Variants in KMT2C observed in about 807,000 individuals in gnomAD.
KMT2C encodes histone-lysine N-methyltransferase 2C.
KMT2C carries 88 observed loss-of-function variants against 507.9 expected under a neutral mutation model. The observed-to-expected ratio is 0.17, with a 90% CI of 0.15 to 0.21. KMT2C has a LOEUF of 0.21. Ranked by LOEUF, KMT2C falls within the 10% of genes least tolerant of loss-of-function variation. The pLI, the probability that KMT2C is intolerant of heterozygous loss-of-function variation, is 1.00. For synonymous variants in KMT2C, 2,049 were observed against 2,080.8 expected (o/e 0.98, Z 0.42); for missense variants, 4,954 against 5,957.8 (o/e 0.83, Z 5.55).
At chr7:152,395,041 A>C (rs1277221987) in intron 1 of KMT2C, among the ~76,000 whole-genome samples, 1 of 152,216 alleles carries the variant, frequency 6.6e-6, no homozygotes, top group Non-Finnish European at 1.5e-5. Flanking sequence ...AAAGTGACAA[A>C]TATAATCAAT....
chr7:152,320,114 G>A (rs541965607), intron 3 of KMT2C, among the ~76,000 whole-genome samples: 11 of 152,140 alleles, frequency 7.2e-5, no homozygotes, highest in South Asian at 6.2e-4. Flanking sequence ...AAAACCCACC[G>A]AACCTGTGGG....
chr7:152,296,506 C>G (rs1165129567), intron 6 of KMT2C, among the ~76,000 whole-genome samples: 1 of 151,122 alleles, frequency 6.6e-6, no homozygotes, highest in Non-Finnish European at 1.5e-5. Context: ...AAGGATTTTT[C>G]CTTAATTAAC....
chr7:152,380,926 C>A (rs1335475695), intron 1 of KMT2C, among the ~76,000 whole-genome samples: 14 of 152,128 alleles, frequency 9.2e-5, no homozygotes, highest in Non-Finnish European at 1.9e-4. Flanking sequence ...TGACTTGAAT[C>A]CCAAGCTACG....
chr7:152,181,767 C>T lies in KMT2C; in HGVS notation c.6093G>A (p.Leu2031=), dbSNP rs2129120312. 1 of 1,614,032 alleles carries T rather than the reference C, an allele frequency of 6.2e-7. No homozygotes were observed. The highest frequency in any genetic ancestry group is 8.5e-7 in the Non-Finnish European group (1 of 1,180,010). Residue 2031 remains leucine (L), a synonymous_variant, in exon 36 of 59, where the codon TTG becomes TTA. Transcript: ENST00000262189. ...GACCACTATCAAGAGGTGCAGGTGT[C>T]AACAAGGGTCGTGCATATGAGTCAG... is the stretch of plus-strand genomic sequence containing the variant. The part of the protein sequence containing the change: ...RIPDSYARPL[L]TPAPLDSGPG...
At chr7:152,283,281 T>C (rs540958609) in intron 6 of KMT2C, among the ~76,000 whole-genome samples, 64 of 152,400 alleles carry the variant, frequency 4.2e-4, no homozygotes, top group Admixed American at 6.5e-4. Flanking sequence ...TTAACACAAC[T>C]TTAAAGTTAA....
intron 7 of KMT2C, among the ~76,000 whole-genome samples, chr7:152,273,037 C>T (rs1319750885): frequency 6.6e-6 from 1 of 151,898 alleles, no homozygotes; most frequent in African/African-American, 2.4e-5. Context: ...ATAGGGAAAA[C>T]ACATAGTAAG....
rs758744975 is a variant in KMT2C at position 152,180,102 on chromosome 7, G to A, written c.7174C>T (p.Leu2392Phe). The change falls in exon 37 of 59, where the codon CTC (leucine) becomes TTC (phenylalanine). Residue 2392 changes from leucine (L) to phenylalanine (F), a missense_variant. Coordinates refer to ENST00000262189, the MANE Select transcript of KMT2C (RefSeq NM_170606.3). ...ATCTTCTTCTGCTGTTGCTGCTGGA[G>A]AATGATTTCACGTAACTTCTGCCGC... ...RQRQKLREII[L>F]QQQQQKKIAG... The A allele has an allele frequency of 1.2e-5, 19 of 1,614,046 alleles. No homozygotes were observed. The highest frequency in any genetic ancestry group is 1.6e-5 in the Non-Finnish European group (19 of 1,180,052).
intron 34 of KMT2C, among the ~76,000 whole-genome samples, chr7:152,183,896 C>CA (rs1044045749): frequency 2.7e-5 from 4 of 149,352 alleles, no homozygotes; most frequent in South Asian, 2.1e-4. Flanking sequence ...AACTCTGTCT[C>CA]AAAAAAAAGA....
chr7:152,178,159 A>T (rs2129116283), intron 37 of KMT2C, 149 bp from the exon 38 acceptor site: 1 of 809,408 alleles, frequency 1.2e-6, no homozygotes, highest in African/African-American at 1.8e-5. Flanking sequence ...AGCTATCACC[A>T]TTAAAAAGTA....
chr7:152,145,111 T>C, intron 54 of KMT2C, 42 bp downstream of exon 54: 2 of 1,593,820 alleles, frequency 1.3e-6, no homozygotes, highest in South Asian at 2.3e-5. Flanking sequence ...CTAATACGCC[T>C]AGAAACCCTG....
Position 152,152,944 on chromosome 7 carries a change from C to T in KMT2C, c.12287G>A (p.Ser4096Asn), listed in dbSNP as rs2091754283. Residue 4096 changes from serine to asparagine, a missense_variant, in exon 49 of 59, where the codon AGT becomes AAT. By Grantham distance (46) the Ser-to-Asn change is conservative. Transcript: ENST00000262189. ...LHPTAAENISSVVAAFSDLLH... is the reference protein window; with the variant it reads ...LHPTAAENISNVVAAFSDLLH... ...AAGGTCGGAAAATGCAGCCACAACA[C>T]TGCTAATGTTCTAAAACCAAATGCA... is the stretch of plus-strand genomic sequence containing the variant. 1 of 1,614,004 alleles carries T rather than the reference C, an allele frequency of 6.2e-7. No individual in the cohort carries two copies. The highest frequency in any genetic ancestry group is 8.5e-7 in the Non-Finnish European group (1 of 1,179,968).
At chr7:152,349,238 G>A (rs2097090444) in intron 2 of KMT2C, among the ~76,000 whole-genome samples, 1 of 152,150 alleles carries the variant, frequency 6.6e-6, no homozygotes, top group Non-Finnish European at 1.5e-5. Flanking sequence ...CTGAGATCAG[G>A]AGTTCGAGAC....
At chr7:152,426,619 A>C (rs1380516623) in intron 1 of KMT2C, among the ~76,000 whole-genome samples, 2 of 152,192 alleles carry the variant, frequency 1.3e-5, no homozygotes, top group Non-Finnish European at 2.9e-5. Context: ...CTGATTGATA[A>C]TTGATGATTA....
chr7:152,320,640 ATT>A (rs1371302360), intron 3 of KMT2C, among the ~76,000 whole-genome samples: 7 of 152,008 alleles, frequency 4.6e-5, no homozygotes, highest in African/African-American at 1.7e-4. Flanking sequence ...ACAGTGGAAG[ATT>A]TTAATTATTT....
At position 152,139,708 on chromosome 7, in the gene KMT2C, T is replaced by A. The variant is rs2129089852; in HGVS notation, c.14427A>T (p.Val4809=). 6.2e-7 allele frequency: 1 copy of A among 1,614,008 alleles called. No homozygotes were observed. Among genetic ancestry groups the A allele is most frequent in the Non-Finnish European group, 8.5e-7 (1 of 1,179,870 alleles). Residue 4809 remains valine (V), a synonymous_variant, in exon 56 of 59, where the codon GTA becomes GTT. Transcript: ENST00000262189. ...EYIGTIIRNE[V]ANRKEKLYES... Reference sequence around the variant, plus strand: ...CATAAAGCTTCTCTTTCCTGTTGGCTACTTCGTTTCGAATGATAGTCCCGA... The same window carrying A: ...CATAAAGCTTCTCTTTCCTGTTGGCAACTTCGTTTCGAATGATAGTCCCGA...
At chr7:152,435,380 T>TA (rs1212149324) in intron 1 of KMT2C, among the ~76,000 whole-genome samples, 1 of 150,910 alleles carries the variant, frequency 6.6e-6, no homozygotes, top group East Asian at 2.0e-4. Flanking sequence ...GACTGAAAAG[T>TA]AAAGTGTGCG....
chr7:152,275,297 C>A (rs2096062061), intron 6 of KMT2C, among the ~76,000 whole-genome samples: 1 of 152,154 alleles, frequency 6.6e-6, no homozygotes, highest in East Asian at 1.9e-4. Flanking sequence ...GTAATCCCGG[C>A]ACTTTGGAAG....
chr7:152,319,294 C>T (rs1472241134), intron 3 of KMT2C, among the ~76,000 whole-genome samples: 1 of 152,058 alleles, frequency 6.6e-6, no homozygotes, highest in East Asian at 1.9e-4. Flanking sequence ...TAGTTTGTAG[C>T]AATTACTCTT....
intron 7 of KMT2C, among the ~76,000 whole-genome samples, chr7:152,266,625 T>C (rs373810110): frequency 0.015 from 2,310 of 152,350 alleles, 2 homozygotes; most frequent in Non-Finnish European, 0.024. Context: ...TCAAGCATCT[T>C]GAAACAGAGT....
Sources: allele counts gnomAD v4.1 joint callset (sites outside exome capture counted in the v4.1 genomes callset), GRCh38; gene constraint gnomAD v4.1.1; transcripts MANE v1.5; gene names NCBI Gene and HGNC (gene_info 2026-07-23, HGNC 2026-07-21).